Variants in KIF21B observed in about 807,000 individuals in gnomAD.
KIF21B encodes the protein kinesin family member 21B, also known as kinesin-like protein KIF21B.
In KIF21B, 85 loss-of-function variants were observed where a neutral mutation model predicts 192.9. The ratio of observed to expected loss-of-function variants is 0.44; its 90% CI spans 0.37 to 0.53. The LOEUF is 0.53. Ranked by LOEUF, KIF21B falls within the 20% of genes least tolerant of loss-of-function variation. KIF21B has a pLI of 0.00. For synonymous variants in KIF21B, 832 were observed against 884.6 expected (o/e 0.94, Z 1.05); for missense variants, 1,716 against 2,194.8 (o/e 0.78, Z 4.36).
Position 200,976,835 on chromosome 1 carries a change from T to C in KIF21B, c.4384A>G (p.Thr1462Ala). ...AGGTCATGCTGGCTGGCCGTCTGGG[T>C]GACCGTCAGGCACATCACAGGGCCG... is the stretch of plus-strand genomic sequence containing the variant. ...HIGPVMCLTV[T>A]QTASQHDLVV... Residue 1462 changes from threonine to alanine, a missense_variant, in exon 32 of 35, where the codon ACC (threonine) becomes GCC (alanine). Physicochemically the swap from Thr to Ala is moderately conservative, Grantham distance 58 (BLOSUM62 0). Coordinates refer to ENST00000461742, the MANE Select transcript of KIF21B (RefSeq NM_001252102.2). The C allele has an allele frequency of 6.2e-7, 1 of 1,613,754 alleles. No individual in the cohort carries two copies. The highest frequency in any genetic ancestry group is 1.1e-5 in the South Asian group (1 of 91,034).
chr1:201,010,121 G>A (rs969112911), intron 1 of KIF21B, among the ~76,000 whole-genome samples: 1 of 152,170 alleles, frequency 6.6e-6, no homozygotes, highest in African/African-American at 2.4e-5. Flanking sequence ...CTGCAAGCAG[G>A]AGGCCGGGAG....
chr1:200,981,408 G>A (rs1655918185), intron 28 of KIF21B, among the ~76,000 whole-genome samples: 1 of 152,182 alleles, frequency 6.6e-6, no homozygotes, highest in Non-Finnish European at 1.5e-5. Context: ...GTTCCTATCT[G>A]ACAATGTCTG....
intron 26 of KIF21B, among the ~76,000 whole-genome samples, chr1:200,986,088 C>A (rs372602348): frequency 6.6e-6 from 1 of 151,758 alleles, no homozygotes. Context: ...CTCAGACAAT[C>A]CACCTGCCTC....
chr1:200,984,340 G>C (rs1427125469), intron 27 of KIF21B, among the ~76,000 whole-genome samples: 1 of 152,228 alleles, frequency 6.6e-6, no homozygotes, highest in Non-Finnish European at 1.5e-5. Context: ...CCTGAATGCA[G>C]GGGAGGCTGT....
At chr1:201,020,680 C>G (rs1658766383) in intron 1 of KIF21B, among the ~76,000 whole-genome samples, 1 of 152,162 alleles carries the variant, frequency 6.6e-6, no homozygotes, top group African/African-American at 2.4e-5. Context: ...CTCCAGGAGC[C>G]CAGGCCTTCA....
rs1249736821 is a variant in KIF21B, at chr1:200,972,733, G to A, written c.*788C>T. 6.6e-6 allele frequency: 1 copy of A among 152,658 alleles called. No homozygotes were observed. Among genetic ancestry groups the A allele is most frequent in the African/African-American group, 2.4e-5 (1 of 41,450 alleles). 9.5% of individuals were successfully genotyped at this position (152,658 alleles called of 1,614,324 possible). A position where few individuals can be genotyped will look rare whatever the true frequency, so the allele number is the denominator to read the frequency against. The stretch of plus-strand genomic sequence containing the variant: ...TTCCCTCCTCTGCAAAGCAAACAGA[G>A]GAGGCGGCCCTGGAGGGCCGGGGCA... On this transcript the variant is annotated 3_prime_UTR_variant, in exon 35 of 35. Coordinates refer to ENST00000461742, the MANE Select transcript of KIF21B (RefSeq NM_001252102.2).
Position 200,973,545 on chromosome 1 carries a change from C to A in KIF21B, c.4848G>T (p.Arg1616=). The stretch of plus-strand genomic sequence containing the variant: ...CCTAGGGTGGGCCGCTGTGGGGTAA[C>A]CGCCGGACACTCCAGAACTTCACCG... The part of the protein sequence containing the change: ...DLTVKFWSVR[R]LPHSGPP The change falls in exon 35 of 35, where the codon CGG becomes CGT. Residue 1616 remains arginine (R), a synonymous_variant. Transcript: ENST00000461742. 1.3e-6 allele frequency: 2 copies of A among 1,500,536 alleles called. No individual in the cohort carries two copies. The highest frequency in any genetic ancestry group is 1.8e-6 in the Non-Finnish European group (2 of 1,135,682). The allele number at this position is 1,500,536 out of a possible 1,614,324, so 93.0% of individuals were successfully genotyped here.
At chr1:200,976,069 C>T (rs1352834904) in intron 32 of KIF21B, among the ~76,000 whole-genome samples, 6 of 152,258 alleles carry the variant, frequency 3.9e-5, no homozygotes, top group African/African-American at 1.4e-4. Context: ...AATCCCACCA[C>T]CCCTGAAAAC....
At chr1:201,018,035 C>T (rs904850998) in intron 1 of KIF21B, among the ~76,000 whole-genome samples, 2 of 152,102 alleles carry the variant, frequency 1.3e-5, no homozygotes, top group Non-Finnish European at 2.9e-5. Flanking sequence ...CAACCTCTGA[C>T]CCCCACCCAG....
At chr1:200,995,850 CAT>C (rs2102424070) in intron 15 of KIF21B, among the ~76,000 whole-genome samples, 1 of 152,278 alleles carries the variant, frequency 6.6e-6, no homozygotes, top group Admixed American at 6.5e-5. Context: ...TGAGAGGCCT[CAT>C]GTGCACTTTG....
In KIF21B at chr1:200,996,256, C is replaced by T. The variant is rs779050327; in HGVS notation, c.2217G>A (p.Ser739=). 33 of 1,613,956 alleles carry T rather than the reference C, an allele frequency of 2.0e-5. No individual in the cohort carries two copies. The highest frequency in any genetic ancestry group is 4.0e-5 in the African/African-American group (3 of 74,914). Residue 739 remains serine, a synonymous_variant, in exon 15 of 35, where the codon TCG becomes TCA. Coordinates refer to ENST00000461742, the MANE Select transcript of KIF21B (RefSeq NM_001252102.2). ...GCTTCTTCAGCTCCCTCTCGTAGCG[C>T]GACTGGTTCTTAAGCAGCCGGGCGT... The part of the protein sequence containing the change: ...KEHARLLKNQ[S]RYERELKKLQ...
At chr1:200,993,152 T>G (rs1656814054) in intron 15 of KIF21B, among the ~76,000 whole-genome samples, 1 of 152,218 alleles carries the variant, frequency 6.6e-6, no homozygotes, top group South Asian at 2.1e-4. Flanking sequence ...GCACCATTAG[T>G]GCGGCCGGAG....
Position 200,991,129 on chromosome 1 carries a change from C to T in KIF21B, c.2475G>A (p.Leu825=). 2 of 1,613,444 alleles carry T rather than the reference C, an allele frequency of 1.2e-6. No individual in the cohort carries two copies. The highest frequency in any genetic ancestry group is 1.7e-6 in the Non-Finnish European group (2 of 1,179,838). ...KTQEVSALRR[L]AKPMSERVAG... ...CCACCCGCTCAGACATGGGCTTGGC[C>T]AGGCGCCTCAGTGCAGAAACCTGGG... Residue 825 remains leucine (L), a synonymous_variant, in exon 18 of 35, where the codon CTG becomes CTA. Transcript: ENST00000461742.
chr1:200,995,022 C>T (rs1407841437), intron 15 of KIF21B, among the ~76,000 whole-genome samples: 1 of 152,354 alleles, frequency 6.6e-6, no homozygotes. Flanking sequence ...GGGACTTCTC[C>T]ACTCTAGTCA....
chr1:200,972,549 G>A lies in KIF21B; in HGVS notation c.*972C>T, dbSNP rs1474396207. ...TCGCGAGTGAGAAGACACATGTGGT[G>A]CCGCGGGCATGGCTGGTGTAAGGCT... On this transcript the variant is annotated 3_prime_UTR_variant, in exon 35 of 35. Transcript: ENST00000461742. 1 of 152,636 alleles carries A rather than the reference G, an allele frequency of 6.6e-6. No individual in the cohort carries two copies. Among genetic ancestry groups the A allele is most frequent in the Non-Finnish European group, 1.5e-5 (1 of 68,064 alleles). The allele number at this position is 152,636 out of a possible 1,614,324, so 9.5% of individuals were successfully genotyped here. A position where few individuals can be genotyped will look rare whatever the true frequency, so the allele number is the denominator to read the frequency against.
chr1:201,009,285 G>A lies in KIF21B; in HGVS notation c.245C>T (p.Thr82Met), dbSNP rs759281080. The change falls in exon 2 of 35, where the codon ACG becomes ATG. Residue 82 changes from threonine to methionine, a missense_variant. By Grantham distance (81) the Thr-to-Met change is moderately conservative (BLOSUM62 -1). This residue lies in a region of KIF21B where 1,087 missense variants were observed against 1,316.6 expected (regional missense o/e 0.83). Transcript: ENST00000461742. ...IEGCFEGYNA[T>M]VLAYGQTGAG... is the part of the protein sequence containing the mutation. ...GCTTACCTGCCCATAGGCCAGCACCGTGGCATTATAGCCCTCGAAGCAGCC... is the reference window on the plus strand; with the variant it reads ...GCTTACCTGCCCATAGGCCAGCACCATGGCATTATAGCCCTCGAAGCAGCC... The A allele has an allele frequency of 1.9e-6, 3 of 1,614,194 alleles. No homozygotes were observed. The highest frequency in any genetic ancestry group is 1.1e-5 in the South Asian group (1 of 91,068).
chr1:200,975,502 G>C lies in KIF21B; in HGVS notation c.4611C>G (p.Ile1537Met). 1 of 1,609,886 alleles carries C rather than the reference G, an allele frequency of 6.2e-7. No homozygotes were observed. The highest frequency in any genetic ancestry group is 8.5e-7 in the Non-Finnish European group (1 of 1,176,708). The change falls in exon 33 of 35, where the codon ATC (isoleucine) becomes ATG (methionine). Residue 1537 changes from isoleucine (I) to methionine (M), a missense_variant. This residue lies in a region of KIF21B where 580 missense variants were observed against 775.5 expected (regional missense o/e 0.75). Transcript: ENST00000461742. The surrounding 1 kb of genome is among the most constrained non-coding windows in gnomAD (Gnocchi z 4.3). ...KKWDLDQQELIQQIPNAHKDW... is the reference protein window; with the variant it reads ...KKWDLDQQELMQQIPNAHKDW... ...CTCCCTTTCCTCCTGACCCCACCTGGATGAGCTCCTGCTGGTCTAGGTCCC... is the reference window on the plus strand; with the variant it reads ...CTCCCTTTCCTCCTGACCCCACCTGCATGAGCTCCTGCTGGTCTAGGTCCC...
chr1:201,012,625 A>G (rs1658300479), intron 1 of KIF21B, among the ~76,000 whole-genome samples: 1 of 150,964 alleles, frequency 6.6e-6, no homozygotes, highest in South Asian at 2.1e-4. Flanking sequence ...TTTCTGTCAG[A>G]AAACTCTATG....
Position 201,000,412 on chromosome 1 carries a change from CCTT to C in KIF21B, c.1660_1662del (p.Lys554del), listed in dbSNP as rs762153900. On this transcript the variant is annotated inframe_deletion, in exon 11 of 35. Transcript: ENST00000461742. The surrounding 1 kb of genome is among the most constrained non-coding windows in gnomAD (Gnocchi z 6.0). ...CACCTCTTCCTCCGCTGCCTGACCT[CCTT>C]CTTCTTTAGCCGCTCCAGGTCCTGC... 15 of 1,560,956 alleles carry C rather than the reference CCTT, an allele frequency of 9.6e-6. No individual in the cohort carries two copies. Among genetic ancestry groups the C allele is most frequent in the South Asian group, 3.6e-5 (3 of 82,904 alleles).
Sources: allele counts gnomAD v4.1 joint callset (sites outside exome capture counted in the v4.1 genomes callset), GRCh38; gene constraint gnomAD v4.1.1; regional missense constraint gnomAD v4.1.1; non-coding constraint Gnocchi (gnomAD v3.1); transcripts MANE v1.5; gene names NCBI Gene and HGNC (gene_info 2026-07-23, HGNC 2026-07-21).